LRP2BP: variants seen among roughly 807,000 people sequenced by gnomAD.
The protein encoded by LRP2BP is LRP2 binding protein.
LRP2BP carries 38 observed loss-of-function variants against 45.2 expected under a neutral mutation model. That is an observed-to-expected ratio of 0.84 (90% CI 0.65 to 1.10). The LOEUF is 1.10. Among genes scored for constraint, LRP2BP ranks in the 50% least tolerant of loss-of-function variants. The probability of loss-of-function intolerance (pLI) is 0.00; values close to 1 mark genes in which losing one functional copy is unlikely to be tolerated. For missense variants in LRP2BP, 385 were observed against 418.9 expected (o/e 0.92, Z 0.71); for synonymous variants, 153 against 153.9 (o/e 0.99, Z 0.04).
At position 185,370,734 on chromosome 4, in the gene LRP2BP, C is replaced by T; in HGVS notation, c.884G>A (p.Gly295Asp). 1.2e-6 allele frequency: 2 copies of T among 1,614,090 alleles called. No homozygotes were observed. Among genetic ancestry groups the T allele is most frequent in the South Asian group, 1.1e-5 (1 of 91,072 alleles). Residue 295 changes from glycine (G) to aspartate (D), a missense_variant, in exon 8 of 9, where the codon GGC becomes GAC. Coordinates refer to ENST00000505916, the MANE Select transcript of LRP2BP (RefSeq NM_001377440.1). ...GTGGTAGAAGGATGCCATTGCCATGCCTCTGCCGATGAACTCCGGGAGACA... is the reference window on the plus strand; with the variant it reads ...GTGGTAGAAGGATGCCATTGCCATGTCTCTGCCGATGAACTCCGGGAGACA... ...TDCLPEFIGRGMAMASFYHAR... is the reference protein window; with the variant it reads ...TDCLPEFIGRDMAMASFYHAR...
chr4:185,374,927 T>C (rs1403279942), intron 4 of LRP2BP, among the ~76,000 whole-genome samples: 4 of 152,126 alleles, frequency 2.6e-5, no homozygotes, highest in African/African-American at 2.4e-5. Context: ...TGTGTGCTCA[T>C]AGTTTGTATC....
At chr4:185,385,916 G>GGGGGGA (rs758927819) in intron 1 of LRP2BP, among the ~76,000 whole-genome samples, 1 of 138,000 alleles carries the variant, frequency 7.2e-6, no homozygotes. Context: ...GGGGGGGGGG[G>GGGGGGA]AGATAAAGAA....
chr4:185,367,303 CTTTT>C (rs138875428), intron 8 of LRP2BP, 58 bp from the exon 9 acceptor site: 4 of 1,105,318 alleles, frequency 3.6e-6, no homozygotes, highest in East Asian at 5.4e-5. Flanking sequence ...GGTCTTTCTT[CTTTT>C]TTTTTTTTTC....
Position 185,366,702 on chromosome 4 carries a change from C to T in LRP2BP, c.*478G>A, listed in dbSNP as rs1419400776. 1.3e-5 allele frequency: 2 copies of T among 152,012 alleles called. No homozygotes were observed. Among genetic ancestry groups the T allele is most frequent in the Admixed American group, 1.3e-4 (2 of 15,256 alleles). 9.4% of individuals were successfully genotyped at this position (152,012 alleles called of 1,614,324 possible). On this transcript the variant is annotated 3_prime_UTR_variant, in exon 9 of 9. Coordinates refer to ENST00000505916, the MANE Select transcript of LRP2BP (RefSeq NM_001377440.1). The stretch of plus-strand genomic sequence containing the variant: ...TTTAAATTTTTAAAATTTTAAATGA[C>T]TGAAAATTTAAATTTTAAATGACTG...
rs142387495 is a variant in LRP2BP at position 185,394,796 on chromosome 4, T to C, written c.-39A>G. The stretch of plus-strand genomic sequence containing the variant: ...TCACTTACTCATCATCCAACGTTTT[T>C]TTTAACACTCGCTGTAAATGGCATC... On this transcript the variant is annotated 5_prime_UTR_variant, in exon 1 of 9. Transcript: ENST00000505916. 86 of 985,460 alleles carry C rather than the reference T, an allele frequency of 8.7e-5. No homozygotes were observed. Among genetic ancestry groups the C allele is most frequent in the Non-Finnish European group, 1.0e-4 (85 of 829,922 alleles). 61.0% of individuals were successfully genotyped at this position (985,460 alleles called of 1,614,324 possible).
upstream of LRP2BP, chr4:185,396,670 G>T (rs1049209264): frequency 7.8e-6 from 4 of 514,270 alleles, no homozygotes; most frequent in Admixed American, 1.5e-4. Context: ...TGCCCCCGGC[G>T]CCGGGCTCCA....
chr4:185,388,525 C>CCTAT (rs944429058), intron 1 of LRP2BP, among the ~76,000 whole-genome samples: 2 of 132,352 alleles, frequency 1.5e-5, no homozygotes, highest in African/African-American at 3.1e-5. Context: ...TATCTACCTA[C>CCTAT]CTATCTATCT....
intron 1 of LRP2BP, among the ~76,000 whole-genome samples, chr4:185,388,512 ATC>A (rs1439038706): frequency 8.5e-6 from 1 of 117,586 alleles, no homozygotes; most frequent in Non-Finnish European, 1.8e-5. Context: ...TACCTAGGCT[ATC>A]TATCTACCTA....
chr4:185,390,831 T>C (rs966148727), intron 1 of LRP2BP: 5 of 152,216 alleles, frequency 3.3e-5, no homozygotes, highest in Non-Finnish European at 5.9e-5. Context: ...TAATTTGAGA[T>C]GTACAGAAAA....
chr4:185,369,227 C>CTTT (rs35543353), intron 8 of LRP2BP, among the ~76,000 whole-genome samples: 38 of 100,898 alleles, frequency 3.8e-4, no homozygotes, highest in Non-Finnish European at 4.4e-4. Flanking sequence ...ATACAGAGAG[C>CTTT]TTTTTTTTTT....
rs3797029 is a variant in LRP2BP, at chr4:185,373,844, G to C, written c.579+291C>G. 2.0e-5 allele frequency among the ~76,000 whole-genome samples: 3 copies of C among 152,134 alleles called. No homozygotes were observed. In the South Asian group the frequency reaches 6.2e-4, roughly 32 times the overall value. ...CTCAAGTCAACGGTAATATTCATCT[G>C]TTCATGCTTAGAAGGATTTTGGCTG... On this transcript the variant is annotated intron_variant, in intron 6 of 8. Coordinates refer to ENST00000505916, the MANE Select transcript of LRP2BP (RefSeq NM_001377440.1).
chr4:185,397,007 T>A, upstream of LRP2BP: 1 of 1,611,512 alleles, frequency 6.2e-7, no homozygotes. Context: ...AGCTTCTAGA[T>A]TCGTCTTCTC....
intron 8 of LRP2BP, chr4:185,370,043 A>T (rs951272209): frequency 5.7e-6 from 1 of 176,610 alleles, no homozygotes; most frequent in Non-Finnish European, 1.2e-5. Flanking sequence ...TCTTTTTTTA[A>T]AAAAAATCTA....
chr4:185,391,671 G>C (rs2095488755), intron 1 of LRP2BP, among the ~76,000 whole-genome samples: 1 of 152,160 alleles, frequency 6.6e-6, no homozygotes, highest in Middle Eastern at 3.4e-3. Context: ...CCACTTACTG[G>C]AACAAGTACC....
At chr4:185,383,162 T>G (rs2095460536) in intron 1 of LRP2BP, among the ~76,000 whole-genome samples, 1 of 152,222 alleles carries the variant, frequency 6.6e-6, no homozygotes, top group Non-Finnish European at 1.5e-5. Flanking sequence ...ATTTAAACTT[T>G]GTGCTCTGAA....
chr4:185,371,321 C>T (rs538873042), intron 7 of LRP2BP, among the ~76,000 whole-genome samples: 10 of 152,030 alleles, frequency 6.6e-5, no homozygotes, highest in South Asian at 6.2e-4. Context: ...AGGCGGATCA[C>T]GAGGTTAGGA....
chr4:185,375,398 G>A (rs905044747), intron 4 of LRP2BP, among the ~76,000 whole-genome samples: 6 of 136,614 alleles, frequency 4.4e-5, no homozygotes, highest in African/African-American at 1.6e-4. Context: ...AGAGGTTGCA[G>A]TGAGCCGAGG....
rs1223344788 is a variant in LRP2BP at position 185,394,814 on chromosome 4, A to G, written c.-57T>C. 1.0e-6 allele frequency: 1 copy of G among 985,284 alleles called. No homozygotes were observed. The allele number at this position is 985,284 out of a possible 1,614,324, so 61.0% of individuals were successfully genotyped here. A position where few individuals can be genotyped will look rare whatever the true frequency, so the allele number is the denominator to read the frequency against. Reference sequence around the variant, plus strand: ...ACGTTTTTTTTAACACTCGCTGTAAATGGCATCCTCGTTCTGGAAACGCAT... The same window carrying G: ...ACGTTTTTTTTAACACTCGCTGTAAGTGGCATCCTCGTTCTGGAAACGCAT... On this transcript the variant is annotated 5_prime_UTR_variant, in exon 1 of 9. Coordinates refer to ENST00000505916, the MANE Select transcript of LRP2BP (RefSeq NM_001377440.1).
intron 3 of LRP2BP, among the ~76,000 whole-genome samples, chr4:185,376,013 C>T (rs557471057): frequency 7.6e-4 from 115 of 152,082 alleles, no homozygotes; most frequent in Non-Finnish European, 1.1e-3. Context: ...TGAACAGCTG[C>T]CCAAATAGTC....
Sources: allele counts gnomAD v4.1 joint callset (sites outside exome capture counted in the v4.1 genomes callset), GRCh38; gene constraint gnomAD v4.1.1; transcripts MANE v1.5; gene names NCBI Gene and HGNC (gene_info 2026-07-23, HGNC 2026-07-21).